Variants in GRID2 observed in about 807,000 individuals in gnomAD.
GRID2 encodes the protein glutamate ionotropic receptor delta type subunit 2.
GRID2 carries 33 observed loss-of-function variants against 114.8 expected under a neutral mutation model. That is an observed-to-expected ratio of 0.29 (90% confidence interval 0.22 to 0.38). GRID2 has a LOEUF of 0.38. GRID2 is among the 10% of genes least tolerant of loss of function. The pLI is 1.00. For synonymous variants in GRID2, 505 were observed against 449.9 expected, an observed-to-expected ratio of 1.12 and a Z score of -1.55; for missense variants, 1,184 against 1,257.7, an observed-to-expected ratio of 0.94 and a Z score of 0.89.
At chr4:92,899,657 C>T (rs148774919) in intron 2 of GRID2, among the ~76,000 whole-genome samples, 208 of 152,074 alleles carry the variant, frequency 1.4e-3, no homozygotes, top group Middle Eastern at 3.4e-3. Flanking sequence ...GATCTTCAGA[C>T]CAAAAAATAA....
intron 2 of GRID2, among the ~76,000 whole-genome samples, chr4:93,083,732 C>T (rs1302317281): frequency 6.7e-6 from 1 of 149,882 alleles, no homozygotes; most frequent in Admixed American, 6.7e-5. Context: ...ATCCTTGATG[C>T]TTTCACATTT....
Position 93,697,270 on chromosome 4 carries a change from AAAG to A in GRID2, c.2360+70839_2360+70841del, listed in dbSNP as rs1267326099. Among the ~76,000 whole-genome samples the A allele has an allele frequency of 2.0e-5, 3 of 152,280 alleles. No homozygotes were observed. In the East Asian group the frequency reaches 5.8e-4, roughly 29 times the overall value. ...GTAATGGGAAATAATTCTTTTCTGA[AAAG>A]AAGTAGACTAGTTTGTGGGCTCTTA... On this transcript the variant is annotated intron_variant, in intron 14 of 15. Coordinates refer to ENST00000282020, the MANE Select transcript of GRID2 (RefSeq NM_001510.4).
At chr4:93,426,389 T>A (rs1190301719) in intron 10 of GRID2, among the ~76,000 whole-genome samples, 2 of 152,124 alleles carry the variant, frequency 1.3e-5, no homozygotes, top group African/African-American at 2.4e-5. Context: ...TACGTTAAAA[T>A]TAGTGTAAAG....
intron 1 of GRID2, among the ~76,000 whole-genome samples, chr4:92,327,701 A>C (rs1463249506): frequency 6.6e-6 from 1 of 152,028 alleles, no homozygotes; most frequent in African/African-American, 2.4e-5. Flanking sequence ...ACATTTTTAA[A>C]AAATAAAATT....
chr4:92,681,208 G>C (rs1373880727), intron 2 of GRID2, among the ~76,000 whole-genome samples: 1 of 152,184 alleles, frequency 6.6e-6, no homozygotes, highest in East Asian at 1.9e-4. Context: ...AAACTACAGG[G>C]ACAGGGAACA....
intron 13 of GRID2, among the ~76,000 whole-genome samples, chr4:93,607,846 A>G (rs1740416081): frequency 6.6e-6 from 1 of 151,998 alleles, no homozygotes; most frequent in African/African-American, 2.4e-5. Context: ...GATGCCATCT[A>G]TTTTTATTTT....
At chr4:93,674,067 T>C (rs995220056) in intron 14 of GRID2, among the ~76,000 whole-genome samples, 1 of 152,188 alleles carries the variant, frequency 6.6e-6, no homozygotes, top group Non-Finnish European at 1.5e-5. Flanking sequence ...TGGCGTCTTC[T>C]GTTTTGAAGC....
chr4:93,382,962 A>G (rs764872607), intron 8 of GRID2, among the ~76,000 whole-genome samples: 1 of 151,828 alleles, frequency 6.6e-6, no homozygotes, highest in Non-Finnish European at 1.5e-5. Context: ...CAAAGGATCA[A>G]TCTGAGATGT....
intron 9 of GRID2, among the ~76,000 whole-genome samples, chr4:93,398,133 G>GTGTATATA: frequency 9.0e-5 from 11 of 122,352 alleles, no homozygotes; most frequent in African/African-American, 3.5e-4. Flanking sequence ...ATGTGTGTGT[G>GTGTATATA]TATATATATA....
chr4:93,599,354 TA>T (rs1269005424), intron 13 of GRID2, among the ~76,000 whole-genome samples: 2 of 152,300 alleles, frequency 1.3e-5, no homozygotes, highest in East Asian at 3.9e-4. Context: ...CAATTTAGAG[TA>T]AGACCAGCCT....
intron 10 of GRID2, among the ~76,000 whole-genome samples, chr4:93,426,548 T>A (rs926039866): frequency 6.6e-6 from 1 of 152,186 alleles, no homozygotes; most frequent in Non-Finnish European, 1.5e-5. Flanking sequence ...TTGTTTTATG[T>A]GCTTACACTA....
At chr4:93,004,066 G>A (rs538394915) in intron 2 of GRID2, among the ~76,000 whole-genome samples, 82 of 151,956 alleles carry the variant, frequency 5.4e-4, no homozygotes, top group African/African-American at 1.9e-3. Context: ...GCTGCCCCAA[G>A]ACTTTCCTGG....
At chr4:92,765,465 C>G (rs138104399) in intron 2 of GRID2, among the ~76,000 whole-genome samples, 1 of 151,984 alleles carries the variant, frequency 6.6e-6, no homozygotes, top group Non-Finnish European at 1.5e-5. Context: ...AGGACTGTTG[C>G]TGCTATTCAA....
At chr4:92,397,510 T>C (rs949870687) in intron 1 of GRID2, among the ~76,000 whole-genome samples, 1 of 151,700 alleles carries the variant, frequency 6.6e-6, no homozygotes, top group African/African-American at 2.4e-5. Context: ...TATTGGAAAA[T>C]TGAAGATCAA....
At chr4:92,502,054 TA>T (rs1326761468) in intron 1 of GRID2, among the ~76,000 whole-genome samples, 2 of 152,130 alleles carry the variant, frequency 1.3e-5, no homozygotes, top group Non-Finnish European at 2.9e-5. Flanking sequence ...ATCTGTTTAT[TA>T]AAAAATTCCT....
chr4:93,350,892 G>A (rs1229488326), intron 8 of GRID2, among the ~76,000 whole-genome samples: 3 of 152,088 alleles, frequency 2.0e-5, no homozygotes, highest in Non-Finnish European at 4.4e-5. Context: ...AAAGGAAAGA[G>A]TTTTAATGGA....
At position 93,645,212 on chromosome 4, in the gene GRID2, A is replaced by G. The variant is rs1342613261; in HGVS notation, c.2360+18777A>G. 3.3e-5 allele frequency among the ~76,000 whole-genome samples: 5 copies of G among 152,190 alleles called. No homozygotes were observed. The South Asian group carries it at 8.3e-4, about 25-fold the overall frequency. On this transcript the variant is annotated intron_variant, in intron 14 of 15. Transcript: ENST00000282020. ...AAATCAACGGAAAGAGGGGAGCAAA[A>G]TCATTTTGAAATCTTTAGCCTCACC...
intron 2 of GRID2, among the ~76,000 whole-genome samples, chr4:92,760,589 C>T (rs1737960867): frequency 6.6e-6 from 1 of 152,134 alleles, no homozygotes. Context: ...ATCTATAGCT[C>T]TCCCAATTCC....
chr4:92,447,645 C>T lies in GRID2; in HGVS notation c.89-142486C>T, dbSNP rs571853353. Reference sequence around the variant, plus strand: ...ATAAACAACAGAAATTTATTTTTCACAGTTTTGGATGCTGAGAAGTCCAAA... The same window carrying T: ...ATAAACAACAGAAATTTATTTTTCATAGTTTTGGATGCTGAGAAGTCCAAA... On this transcript the variant is annotated intron_variant, in intron 1 of 15. Coordinates refer to ENST00000282020, the MANE Select transcript of GRID2 (RefSeq NM_001510.4). 3.9e-5 allele frequency among the ~76,000 whole-genome samples: 6 copies of T among 152,340 alleles called. No individual in the cohort carries two copies. In the South Asian group the frequency reaches 8.3e-4, roughly 21 times the overall value.
Sources: gnomAD v4.1 joint callset for allele counts (sites outside exome capture counted in the v4.1 genomes callset) on GRCh38, gnomAD v4.1.1 for gene constraint, MANE v1.5 for transcripts, NCBI Gene and HGNC (gene_info 2026-07-23, HGNC 2026-07-21) for gene names.